LCK: variants seen among roughly 807,000 people sequenced by gnomAD.
LCK encodes LCK proto-oncogene, Src family tyrosine kinase.
In LCK, 14 loss-of-function variants were observed where a neutral mutation model predicts 64.6. The ratio of observed to expected loss-of-function variants is 0.22; its 90% CI spans 0.14 to 0.34. The LOEUF is 0.34. LCK is among the 10% of genes least tolerant of loss of function. The pLI, the probability that LCK is intolerant of heterozygous loss-of-function variation, is 1.00. For synonymous variants in LCK, 277 were observed against 263.6 expected (o/e 1.05, Z -0.49); for missense variants, 434 against 668.1 (o/e 0.65, Z 3.86).
intron 1 of LCK, among the ~76,000 whole-genome samples, chr1:32,252,690 G>C (rs1198836781): frequency 6.6e-6 from 1 of 152,172 alleles, no homozygotes. Context: ...CAGGAACAGA[G>C]GCTCTTCTCA....
intron 9 of LCK, chr1:32,277,135 G>C (rs1361327128): frequency 1.9e-5 from 3 of 156,514 alleles, no homozygotes; most frequent in African/African-American, 4.9e-5. Context: ...CCTTTAATCC[G>C]GGAGGTGGAG....
intron 1 of LCK, among the ~76,000 whole-genome samples, chr1:32,264,331 T>C (rs1282872041): frequency 6.6e-6 from 1 of 151,954 alleles, no homozygotes; most frequent in Non-Finnish European, 1.5e-5. Flanking sequence ...CCTTAGACTT[T>C]CCAGGGAGTG....
intron 1 of LCK, among the ~76,000 whole-genome samples, chr1:32,261,155 T>C (rs116237546): frequency 0.011 from 1,633 of 150,492 alleles, 32 homozygotes; most frequent in African/African-American, 0.038. Flanking sequence ...CAGCCTTGAC[T>C]TCCTGGGCTC....
At chr1:32,270,136 A>G (rs1177339798) in intron 1 of LCK, among the ~76,000 whole-genome samples, 3 of 151,448 alleles carry the variant, frequency 2.0e-5, no homozygotes, top group Non-Finnish European at 4.4e-5. Flanking sequence ...TTTTAGACAG[A>G]GTCTCTGTCA....
intron 12 of LCK, among the ~76,000 whole-genome samples, chr1:32,284,787 G>T (rs376816767): frequency 6.6e-6 from 1 of 152,204 alleles, no homozygotes; most frequent in Admixed American, 6.6e-5. Flanking sequence ...CTCGCCCAAG[G>T]TTCCACAACT....
chr1:32,276,953 C>A lies in LCK; in HGVS notation c.964+167C>A. 1.6e-6 allele frequency: 1 copy of A among 633,148 alleles called. No homozygotes were observed. Among genetic ancestry groups the A allele is most frequent in the Non-Finnish European group, 2.5e-6 (1 of 398,782 alleles). The allele number at this position is 633,148 out of a possible 1,614,324, so 39.2% of individuals were successfully genotyped here. On this transcript the variant is annotated intron_variant, in intron 9 of 12. Coordinates refer to ENST00000336890, the MANE Select transcript of LCK (RefSeq NM_005356.5). The surrounding 1 kb of genome is among the most constrained non-coding windows in gnomAD (Gnocchi z 4.6). ...TCCAGCCGGGCGCGGTGGCTCAGGC[C>A]TGTAATCCCAGCACTTTGGGAGCCG...
At chr1:32,258,797 C>G (rs1639692493) in intron 1 of LCK, among the ~76,000 whole-genome samples, 1 of 138,208 alleles carries the variant, frequency 7.2e-6, no homozygotes, top group South Asian at 2.5e-4. Flanking sequence ...GTGCGAGACT[C>G]CGTCTCAAAA....
chr1:32,277,437 C>T (rs1159561760), intron 9 of LCK, among the ~76,000 whole-genome samples: 1 of 152,070 alleles, frequency 6.6e-6, no homozygotes, highest in African/African-American at 2.4e-5. Flanking sequence ...CTGTTTCTCT[C>T]CCTTCTGCCC....
At position 32,274,813 on chromosome 1, in the gene LCK, T is replaced by G. The variant is rs1476466097; in HGVS notation, c.182T>G (p.Leu61Arg). ...GGCTCCAATCCGCCGGCTTCCCCACTGCAAGGTGACCCCAGGCAGCAGGGC... is the reference window on the plus strand; with the variant it reads ...GGCTCCAATCCGCCGGCTTCCCCACGGCAAGGTGACCCCAGGCAGCAGGGC... ...YEGSNPPASP[L>R]QDNLVIALHS... is the part of the protein sequence containing the mutation. Residue 61 changes from leucine (L) to arginine (R), a missense_variant, in exon 3 of 13, where the codon CTG (leucine) becomes CGG (arginine). By Grantham distance (102) the Leu-to-Arg change is moderately radical. Around this residue, in one of 2 missense-constraint regions of LCK, gnomAD observed 233 missense variants for 291.2 expected, o/e 0.80. Transcript: ENST00000336890. The G allele has an allele frequency of 6.8e-6, 11 of 1,613,834 alleles. No individual in the cohort carries two copies. Among genetic ancestry groups the G allele is most frequent in the Non-Finnish European group, 9.3e-6 (11 of 1,179,952 alleles).
rs750281466 is a variant in LCK at position 32,280,013 on chromosome 1, G to C, written c.1195+19G>C. 1 of 1,614,018 alleles carries C rather than the reference G, an allele frequency of 6.2e-7. No individual in the cohort carries two copies. Among genetic ancestry groups the C allele is most frequent in the Admixed American group, 1.7e-5 (1 of 60,004 alleles). On this transcript the variant is annotated intron_variant, in intron 11 of 12. Coordinates refer to ENST00000336890, the MANE Select transcript of LCK (RefSeq NM_005356.5). ...AGGGAGGGTACGTGTGAGATTTAAG[G>C]GTGGTCTGGGCCCTGCAGGGTCTGG...
At chr1:32,267,162 C>G (rs1254236366) in intron 1 of LCK, among the ~76,000 whole-genome samples, 1 of 151,940 alleles carries the variant, frequency 6.6e-6, no homozygotes, top group Non-Finnish European at 1.5e-5. Context: ...TAATTACTCT[C>G]AGGCTATAAT....
intron 12 of LCK, among the ~76,000 whole-genome samples, chr1:32,284,336 A>G (rs1255648616): frequency 6.8e-6 from 1 of 147,652 alleles, no homozygotes; most frequent in Admixed American, 6.8e-5. Context: ...TGTGAGATAT[A>G]TATATAATAA....
chr1:32,274,563 A>T, intron 2 of LCK, 129 bp downstream of exon 2: 1 of 924,682 alleles, frequency 1.1e-6, no homozygotes, highest in Non-Finnish European at 1.6e-6. Flanking sequence ...CAGAAAGGAA[A>T]AGAGGCCCAG....
At chr1:32,270,995 C>T (rs1569939643) in intron 1 of LCK, among the ~76,000 whole-genome samples, 1 of 148,786 alleles carries the variant, frequency 6.7e-6, no homozygotes, top group East Asian at 2.0e-4. Context: ...AGCCACCGCG[C>T]CTGGCCTTTT....
Position 32,285,770 on chromosome 1 carries a change from GA to G in LCK, c.*55del, listed in dbSNP as rs1298397300. On this transcript the variant is annotated 3_prime_UTR_variant, in exon 13 of 13. Transcript: ENST00000336890. Reference sequence around the variant, plus strand: ...CCCTTTCTCTCCAGCCTGACTTGGGGAGATGGAGTTCTTGTGCCATAGTCAC... The same window carrying G: ...CCCTTTCTCTCCAGCCTGACTTGGGGGATGGAGTTCTTGTGCCATAGTCAC... 5 of 1,533,898 alleles carry G rather than the reference GA, an allele frequency of 3.3e-6. No homozygotes were observed. The highest frequency in any genetic ancestry group is 2.2e-4 in the Middle Eastern group (1 of 4,486).
intron 1 of LCK, among the ~76,000 whole-genome samples, chr1:32,266,012 T>C (rs767722720): frequency 4.6e-5 from 7 of 152,126 alleles, no homozygotes; most frequent in Admixed American, 4.6e-4. Context: ...CAGGCTGGAG[T>C]GCAGTGGCGT....
At position 32,276,911 on chromosome 1, in the gene LCK, C is replaced by T. The variant is rs186183190; in HGVS notation, c.964+125C>T. 2.9e-4 allele frequency: 306 copies of T among 1,047,672 alleles called. 3 individuals are homozygous for T. In the African/African-American group the frequency reaches 4.7e-3, roughly 16 times the overall value. 64.9% of individuals were successfully genotyped at this position (1,047,672 alleles called of 1,614,324 possible). A position where few individuals can be genotyped will look rare whatever the true frequency, so the allele number is the denominator to read the frequency against. ...AAGGAGGGTTTCTTGAGCTTTCCTG[C>T]CCCCTGGAGACTCACCTCCAGCCGG... On this transcript the variant is annotated intron_variant, in intron 9 of 12. Transcript: ENST00000336890. This position sits in a 1 kb window ranked among gnomAD's most constrained non-coding sequence, Gnocchi z 4.6.
intron 1 of LCK, among the ~76,000 whole-genome samples, chr1:32,262,075 G>T (rs1474065955): frequency 2.0e-5 from 3 of 149,026 alleles, no homozygotes; most frequent in Non-Finnish European, 4.5e-5. Context: ...GTAGAGATGG[G>T]GTTTCACCAT....
rs1237312260 is a variant in LCK, at chr1:32,274,730, T to A, written c.106-7T>A. On this transcript the variant is annotated splice_region_variant and splice_polypyrimidine_tract_variant and intron_variant, in intron 2 of 12. Coordinates refer to ENST00000336890, the MANE Select transcript of LCK (RefSeq NM_005356.5). ...TTCTGACCCCACCCTCATCCCCCAC[T>A]CCACAGCTGCTCATCCGAAATGGCT... The A allele has an allele frequency of 6.3e-7, 1 of 1,574,812 alleles. No individual in the cohort carries two copies. The highest frequency in any genetic ancestry group is 1.2e-5 in the South Asian group (1 of 83,800).
Sources: allele counts gnomAD v4.1 joint callset (sites outside exome capture counted in the v4.1 genomes callset), GRCh38; gene constraint gnomAD v4.1.1; regional missense constraint gnomAD v4.1.1; non-coding constraint Gnocchi (gnomAD v3.1); transcripts MANE v1.5; gene names NCBI Gene and HGNC (gene_info 2026-07-23, HGNC 2026-07-21).